KCTD16: variants seen among roughly 807,000 people sequenced by gnomAD.
KCTD16 encodes potassium channel tetramerization domain containing 16.
Under a neutral mutation model 33.2 loss-of-function variants are expected in KCTD16, and 13 were observed. That is an observed-to-expected ratio of 0.39 (90% CI 0.25 to 0.62). The LOEUF is 0.62. KCTD16 is among the 20% of genes least tolerant of loss of function. The pLI is 0.50. For synonymous variants in KCTD16, 197 were observed against 195.3 expected, an observed-to-expected ratio of 1.01 and a Z score of -0.07; for missense variants, 441 against 525.1, an observed-to-expected ratio of 0.84 and a Z score of 1.57.
At chr5:144,310,464 GAAAACTC>G (rs11277708) in intron 3 of KCTD16, among the ~76,000 whole-genome samples, 32,498 of 151,724 alleles carry the variant, frequency 0.21, 3,873 homozygotes, top group Non-Finnish European at 0.28. Flanking sequence ...TAGCTATTTT[GAAAACTC>G]TCCACACTGT....
chr5:144,417,635 T>A (rs1753093694), intron 3 of KCTD16, among the ~76,000 whole-genome samples: 1 of 152,112 alleles, frequency 6.6e-6, no homozygotes, highest in African/African-American at 2.4e-5. Flanking sequence ...TATTTTTATT[T>A]TGTTTTTGTT....
At chr5:144,385,161 T>C (rs576350921) in intron 3 of KCTD16, 10 of 152,344 alleles carry the variant, frequency 6.6e-5, no homozygotes, top group South Asian at 4.1e-4. Flanking sequence ...TCCTCTATTA[T>C]AGCTGTCACT....
At chr5:144,240,514 G>A (rs978646292) in intron 3 of KCTD16, among the ~76,000 whole-genome samples, 8 of 152,032 alleles carry the variant, frequency 5.3e-5, no homozygotes, top group South Asian at 4.1e-4. Flanking sequence ...TACAACCAGA[G>A]GACTTAGTAA....
intron 3 of KCTD16, among the ~76,000 whole-genome samples, chr5:144,282,053 T>C (rs1293985764): frequency 6.6e-6 from 1 of 152,218 alleles, no homozygotes; most frequent in Non-Finnish European, 1.5e-5. Context: ...ATAAGAATGA[T>C]AAGAATTTTG....
chr5:144,351,945 T>G (rs920965920), intron 3 of KCTD16, among the ~76,000 whole-genome samples: 14 of 152,178 alleles, frequency 9.2e-5, no homozygotes, highest in African/African-American at 3.4e-4. Flanking sequence ...TAGAAATAAG[T>G]TCAAGAGATG....
chr5:144,383,637 A>G (rs1561587753), intron 3 of KCTD16, among the ~76,000 whole-genome samples: 3 of 147,630 alleles, frequency 2.0e-5, no homozygotes, highest in Non-Finnish European at 4.5e-5. Context: ...TTTTCAGGAG[A>G]TTTTTTTTTT....
intron 2 of KCTD16, among the ~76,000 whole-genome samples, chr5:144,176,207 G>A (rs535339366): frequency 6.6e-6 from 1 of 152,196 alleles, no homozygotes; most frequent in South Asian, 2.1e-4. Flanking sequence ...ACTATGAAAA[G>A]TGTCCATCTT....
At chr5:144,343,808 T>G (rs1752710571) in intron 3 of KCTD16, among the ~76,000 whole-genome samples, 2 of 152,216 alleles carry the variant, frequency 1.3e-5, no homozygotes, top group East Asian at 3.8e-4. Flanking sequence ...TCAAAGAACA[T>G]CTTTATTTCT....
intron 3 of KCTD16, among the ~76,000 whole-genome samples, chr5:144,343,773 T>C (rs1342763629): frequency 6.6e-6 from 1 of 152,240 alleles, no homozygotes; most frequent in East Asian, 1.9e-4. Context: ...GATTCTGGTA[T>C]GTTGTGTCTT....
In KCTD16 at chr5:144,226,864, C is replaced by T. The variant is rs567124492; in HGVS notation, c.832+19318C>T. On this transcript the variant is annotated intron_variant, in intron 3 of 3. Coordinates refer to ENST00000512467, the MANE Select transcript of KCTD16 (RefSeq NM_020768.4). ...CTGGGATTACAGGTGTGAGACACTG[C>T]GCCTGGCCAAATCTATTTCTTTATG... Among the ~76,000 whole-genome samples, 198 of 152,294 alleles carry T rather than the reference C, an allele frequency of 1.3e-3. 1 individual carries two copies. Among genetic ancestry groups the T allele is most frequent in the African/African-American group, 4.2e-3 (176 of 41,554 alleles).
chr5:144,327,762 G>T (rs1281072011), intron 3 of KCTD16, among the ~76,000 whole-genome samples: 1 of 152,010 alleles, frequency 6.6e-6, no homozygotes, highest in East Asian at 1.9e-4. Flanking sequence ...ACACATGCAG[G>T]CTTGCGTCAT....
intron 3 of KCTD16, among the ~76,000 whole-genome samples, chr5:144,219,513 C>CTTTTTTTTTTTTTTTTTTTTTTTTT (rs59442398): frequency 1.3e-5 from 1 of 77,130 alleles, no homozygotes; most frequent in African/African-American, 5.6e-5. Context: ...TGTGCTGGGC[C>CTTTTTTTTTTTTTTTTTTTTTTTTT]TTTTTTTTTT....
At chr5:144,317,861 C>T (rs773335060) in intron 3 of KCTD16, among the ~76,000 whole-genome samples, 5 of 152,152 alleles carry the variant, frequency 3.3e-5, no homozygotes, top group African/African-American at 1.2e-4. Flanking sequence ...ACGTTTTTAC[C>T]TGCATGGTGC....
intron 3 of KCTD16, among the ~76,000 whole-genome samples, chr5:144,321,998 CA>C (rs1752084320): frequency 6.6e-6 from 1 of 151,842 alleles, no homozygotes; most frequent in Non-Finnish European, 1.5e-5. Context: ...AGAAAAAATA[CA>C]GATAAATCAA....
chr5:144,371,494 G>A (rs1261018832), intron 3 of KCTD16, among the ~76,000 whole-genome samples: 3 of 152,100 alleles, frequency 2.0e-5, no homozygotes, highest in African/African-American at 4.8e-5. Flanking sequence ...CTTGTAAGAT[G>A]AGTATGTGTT....
At chr5:144,189,940 C>G (rs1752808470) in intron 2 of KCTD16, among the ~76,000 whole-genome samples, 1 of 152,134 alleles carries the variant, frequency 6.6e-6, no homozygotes, top group Non-Finnish European at 1.5e-5. Context: ...GGCTGACAAC[C>G]CACAACCTGT....
intron 2 of KCTD16, among the ~76,000 whole-genome samples, chr5:144,174,913 A>G (rs1001845404): frequency 6.6e-6 from 1 of 152,200 alleles, no homozygotes; most frequent in Admixed American, 6.5e-5. Flanking sequence ...TTCTAATGTC[A>G]GGTGAATGGC....
chr5:144,415,038 T>C (rs1419566668), intron 3 of KCTD16, among the ~76,000 whole-genome samples: 9 of 152,102 alleles, frequency 5.9e-5, no homozygotes. Flanking sequence ...AGAATAGAAA[T>C]GTATTTTCTC....
intron 3 of KCTD16, among the ~76,000 whole-genome samples, chr5:144,242,797 A>G (rs1013788468): frequency 2.0e-5 from 3 of 152,138 alleles, no homozygotes; most frequent in African/African-American, 7.2e-5. Flanking sequence ...ACAACTAGGA[A>G]CAAATAGAAC....
Sources: gnomAD v4.1 joint callset for allele counts (sites outside exome capture counted in the v4.1 genomes callset) on GRCh38, gnomAD v4.1.1 for gene constraint, MANE v1.5 for transcripts, NCBI Gene and HGNC (gene_info 2026-07-23, HGNC 2026-07-21) for gene names.